Variants in GPC6 observed in about 807,000 individuals in gnomAD.
GPC6 encodes the protein glypican 6.
Under a neutral mutation model 55.2 loss-of-function variants are expected in GPC6, and 14 were observed. The ratio of observed to expected loss-of-function variants is 0.25; its 90% CI spans 0.17 to 0.40. The LOEUF is 0.40. Ranked by LOEUF, GPC6 falls within the 10% of genes least tolerant of loss-of-function variation. The probability of loss-of-function intolerance (pLI) is 1.00; values close to 1 mark genes in which losing one functional copy is unlikely to be tolerated. For synonymous variants in GPC6, 278 were observed against 259.6 expected, an observed-to-expected ratio of 1.07 and a Z score of -0.68; for missense variants, 641 against 708.5, an observed-to-expected ratio of 0.90 and a Z score of 1.08.
At chr13:93,491,445 G>A (rs9561365) in intron 1 of GPC6, among the ~76,000 whole-genome samples, 1 of 51,702 alleles carries the variant, frequency 1.9e-5, no homozygotes, top group African/African-American at 7.5e-5. Flanking sequence ...AGTAGGTTGC[G>A]AAAATTTTCT....
chr13:94,157,727 T>A (rs554031423), intron 4 of GPC6, among the ~76,000 whole-genome samples: 1 of 152,252 alleles, frequency 6.6e-6, no homozygotes, highest in Admixed American at 6.5e-5. Context: ...AAGTTCCCCC[T>A]AACAGCAGTG....
At chr13:93,383,940 A>G (rs1046545484) in intron 1 of GPC6, among the ~76,000 whole-genome samples, 7 of 151,772 alleles carry the variant, frequency 4.6e-5, no homozygotes, top group Admixed American at 2.6e-4. Flanking sequence ...AAAACAATAT[A>G]TTATATTTCA....
intron 1 of GPC6, among the ~76,000 whole-genome samples, chr13:93,531,658 C>G (rs1401135818): frequency 6.6e-6 from 1 of 152,122 alleles, no homozygotes; most frequent in East Asian, 1.9e-4. Flanking sequence ...TTACAGTGTC[C>G]TACTAATTTT....
At chr13:93,788,333 T>C (rs1188366370) in intron 2 of GPC6, among the ~76,000 whole-genome samples, 1 of 152,042 alleles carries the variant, frequency 6.6e-6, no homozygotes, top group East Asian at 1.9e-4. Context: ...ATAGGGGCCT[T>C]TATCTTATTC....
At chr13:93,381,998 C>G (rs1293605474) in intron 1 of GPC6, among the ~76,000 whole-genome samples, 3 of 152,038 alleles carry the variant, frequency 2.0e-5, no homozygotes, top group Non-Finnish European at 1.5e-5. Flanking sequence ...AGCCTATGTC[C>G]AATTTGAATT....
chr13:94,253,715 CA>C (rs1891425383), intron 4 of GPC6, among the ~76,000 whole-genome samples: 1 of 152,042 alleles, frequency 6.6e-6, no homozygotes, highest in Non-Finnish European at 1.5e-5. Flanking sequence ...ATTCCCCCTC[CA>C]ATCTTCGTAC....
chr13:94,126,992 A>G (rs1347394258), intron 4 of GPC6, among the ~76,000 whole-genome samples: 1 of 152,138 alleles, frequency 6.6e-6, no homozygotes, highest in East Asian at 1.9e-4. Context: ...TTTAAATCCT[A>G]AAATTATATT....
At chr13:94,008,787 C>T (rs998442250) in intron 3 of GPC6, among the ~76,000 whole-genome samples, 1 of 152,126 alleles carries the variant, frequency 6.6e-6, no homozygotes, top group Non-Finnish European at 1.5e-5. Context: ...CTTCAATTTG[C>T]AAGCCATTAT....
intron 4 of GPC6, among the ~76,000 whole-genome samples, chr13:94,093,723 A>G (rs750047583): frequency 1.3e-5 from 2 of 152,088 alleles, no homozygotes; most frequent in African/African-American, 2.4e-5. Context: ...ATTTTTAATT[A>G]TAAGTGATTC....
intron 6 of GPC6, among the ~76,000 whole-genome samples, chr13:94,314,885 A>G (rs1395579213): frequency 1.3e-5 from 2 of 152,210 alleles, no homozygotes; most frequent in Non-Finnish European, 2.9e-5. Flanking sequence ...CTATTCCCAT[A>G]ACATACTCGG....
intron 2 of GPC6, among the ~76,000 whole-genome samples, chr13:93,702,117 T>C (rs567935169): frequency 6.6e-6 from 1 of 152,178 alleles, no homozygotes; most frequent in African/African-American, 2.4e-5. Flanking sequence ...CCTTATCAAA[T>C]GTATTTCTTA....
chr13:93,789,612 T>TACTACATATATATATATATAATACTAC (rs1310596575), intron 2 of GPC6, among the ~76,000 whole-genome samples: 86 of 19,124 alleles, frequency 4.5e-3, no homozygotes, highest in African/African-American at 0.014. Context: ...TATATATATA[T>TACTACATATATATATATATAATACTAC]ATATATATAT....
rs112070831 is a variant in GPC6, at chr13:94,116,144, G to A, written c.877+88250G>A. Reference sequence around the variant, plus strand: ...TATAAATTAGACATTTTAACAAATTGTGTTTACTGGGGAGAGAAGACAAAT... The same window carrying A: ...TATAAATTAGACATTTTAACAAATTATGTTTACTGGGGAGAGAAGACAAAT... On this transcript the variant is annotated intron_variant, in intron 4 of 8. Transcript: ENST00000377047. Among the ~76,000 whole-genome samples, 876 of 152,158 alleles carry A rather than the reference G, an allele frequency of 5.8e-3. 9 individuals are homozygous for A. Among genetic ancestry groups the A allele is most frequent in the African/African-American group, 0.02 (840 of 41,524 alleles).
At chr13:94,387,122 G>T (rs1412253366) in intron 7 of GPC6, among the ~76,000 whole-genome samples, 5 of 152,152 alleles carry the variant, frequency 3.3e-5, no homozygotes, top group Non-Finnish European at 5.9e-5. Context: ...AGTCTGCAGG[G>T]TGCAATCTGC....
intron 2 of GPC6, among the ~76,000 whole-genome samples, chr13:93,763,344 A>T (rs1885012292): frequency 6.6e-6 from 1 of 152,184 alleles, no homozygotes; most frequent in African/African-American, 2.4e-5. Context: ...TCAATCATAC[A>T]TCACATTGCA....
intron 1 of GPC6, among the ~76,000 whole-genome samples, chr13:93,280,201 G>T (rs940478584): frequency 1.1e-4 from 16 of 152,136 alleles, no homozygotes; most frequent in African/African-American, 3.9e-4. Flanking sequence ...TACTTTCTAG[G>T]TACTGTAAAG....
chr13:93,346,596 C>T (rs182633090), intron 1 of GPC6, among the ~76,000 whole-genome samples: 103 of 151,996 alleles, frequency 6.8e-4, no homozygotes, highest in African/African-American at 2.3e-3. Context: ...TCTCTGTTGC[C>T]CCAGTGTCTA....
chr13:94,041,241 A>G (rs1250659054), intron 4 of GPC6, among the ~76,000 whole-genome samples: 2 of 151,868 alleles, frequency 1.3e-5, no homozygotes, highest in African/African-American at 2.4e-5. Flanking sequence ...ATGGAAGTCA[A>G]ATTATTCCAT....
At chr13:93,401,303 AG>A (rs1876067270) in intron 1 of GPC6, among the ~76,000 whole-genome samples, 1 of 151,976 alleles carries the variant, frequency 6.6e-6, no homozygotes, top group Non-Finnish European at 1.5e-5. Context: ...GACCACAGTG[AG>A]GACAGTCAAC....
Sources: gnomAD v4.1 joint callset for allele counts (sites outside exome capture counted in the v4.1 genomes callset) on GRCh38, gnomAD v4.1.1 for gene constraint, MANE v1.5 for transcripts, NCBI Gene and HGNC (gene_info 2026-07-23, HGNC 2026-07-21) for gene names.